Variants in COL24A1 observed in about 807,000 individuals in gnomAD.
COL24A1 encodes collagen alpha-1(XXIV) chain.
COL24A1 carries 224 observed loss-of-function variants against 253.9 expected under a neutral mutation model. That is an observed-to-expected ratio of 0.88 (90% CI 0.79 to 0.99). The LOEUF is 0.99. Among genes scored for constraint, COL24A1 ranks in the 50% least tolerant of loss-of-function variants. The pLI is 0.00. For missense variants in COL24A1, 2,131 were observed against 2,068.5 expected (o/e 1.03, Z -0.59); for synonymous variants, 685 against 673.7 (o/e 1.02, Z -0.26).
At chr1:85,883,382 A>G (rs1451185702) in intron 32 of COL24A1, among the ~76,000 whole-genome samples, 1 of 149,814 alleles carries the variant, frequency 6.7e-6, no homozygotes, top group Non-Finnish European at 1.5e-5. Flanking sequence ...ACCATGTCCA[A>G]CTAATTTTTG....
At chr1:85,737,803 A>AT (rs111300864) in intron 57 of COL24A1, among the ~76,000 whole-genome samples, 4 of 152,106 alleles carry the variant, frequency 2.6e-5, no homozygotes, top group African/African-American at 9.6e-5. Flanking sequence ...ACCTCAAGTG[A>AT]TCTGCCCACC....
intron 19 of COL24A1, among the ~76,000 whole-genome samples, chr1:86,016,233 A>G (rs1359716958): frequency 2.0e-5 from 3 of 152,064 alleles, no homozygotes; most frequent in Non-Finnish European, 2.9e-5. Context: ...AAGAATAGGC[A>G]TTTTCTAAAG....
chr1:86,117,800 T>C (rs1186010106), intron 3 of COL24A1, among the ~76,000 whole-genome samples: 2 of 152,224 alleles, frequency 1.3e-5, no homozygotes, highest in African/African-American at 4.8e-5. Flanking sequence ...TTATTTGTTA[T>C]TAAGAGAAAG....
At chr1:85,807,756 G>A (rs1672132125) in intron 47 of COL24A1, among the ~76,000 whole-genome samples, 1 of 152,168 alleles carries the variant, frequency 6.6e-6, no homozygotes, top group Admixed American at 6.5e-5. Context: ...TGTGGTCAGA[G>A]ATGTATACTA....
chr1:86,013,751 G>T (rs368326358), intron 19 of COL24A1, among the ~76,000 whole-genome samples: 5 of 152,216 alleles, frequency 3.3e-5, no homozygotes, highest in East Asian at 3.9e-4. Flanking sequence ...CAGGAGAATC[G>T]CTTCAACCTG....
chr1:86,128,851 G>A (rs1040956661), intron 2 of COL24A1, among the ~76,000 whole-genome samples: 2 of 151,596 alleles, frequency 1.3e-5, no homozygotes, highest in African/African-American at 4.8e-5. Context: ...TATTCTTTTG[G>A]TATCTCACTG....
At chr1:86,121,823 G>C (rs758355419) in intron 3 of COL24A1, among the ~76,000 whole-genome samples, 1 of 152,052 alleles carries the variant, frequency 6.6e-6, no homozygotes, top group African/African-American at 2.4e-5. Context: ...ATAAGGGGAG[G>C]TCTTTCTATA....
intron 24 of COL24A1, among the ~76,000 whole-genome samples, chr1:85,959,393 A>G (rs867190117): frequency 2.0e-5 from 3 of 152,124 alleles, no homozygotes; most frequent in African/African-American, 7.2e-5. Flanking sequence ...ACTCTCTACA[A>G]CATTTATATG....
rs769750412 is a variant in COL24A1, at chr1:85,908,615, C to T, written c.2707G>A (p.Gly903Ser). Residue 903 changes from glycine (G) to serine (S), a missense_variant, in exon 27 of 60, where the codon GGT becomes AGT. Transcript: ENST00000370571. Reference protein sequence around the residue: ...PGPPGVPGPIGPLGLPGHVGA... With the variant: ...PGPPGVPGPISPLGLPGHVGA... ...GTACTTACAGGTAATCCCAATGGAC[C>T]GATAGGTCCTGGAACCCCAGGAGGA... 21 of 1,483,162 alleles carry T rather than the reference C, an allele frequency of 1.4e-5. No homozygotes were observed. Among genetic ancestry groups the T allele is most frequent in the South Asian group, 2.8e-5 (2 of 71,182 alleles). 91.9% of individuals were successfully genotyped at this position (1,483,162 alleles called of 1,614,324 possible).
At chr1:85,881,551 G>A (rs1366744739) in intron 32 of COL24A1, among the ~76,000 whole-genome samples, 3 of 152,206 alleles carry the variant, frequency 2.0e-5, no homozygotes, top group Admixed American at 2.0e-4. Flanking sequence ...CTTGAACCCA[G>A]GAGGTGGAGG....
Position 85,847,185 on chromosome 1 carries a change from A to G in COL24A1, c.3462+480T>C, listed in dbSNP as rs184243478. Among the ~76,000 whole-genome samples, 153 of 152,338 alleles carry G rather than the reference A, an allele frequency of 1.0e-3. 1 individual carries two copies. Among genetic ancestry groups the G allele is most frequent in the African/African-American group, 3.7e-3 (152 of 41,582 alleles). The stretch of plus-strand genomic sequence containing the variant: ...TAACATCATGCAAAGTTCCTGAGAA[A>G]GATGAAAGATAAAATTAGATGTTAG... On this transcript the variant is annotated intron_variant, in intron 39 of 59. Coordinates refer to ENST00000370571, the MANE Select transcript of COL24A1 (RefSeq NM_152890.7).
At chr1:85,821,753 G>A (rs561056697) in intron 45 of COL24A1, among the ~76,000 whole-genome samples, 3 of 152,240 alleles carry the variant, frequency 2.0e-5, no homozygotes, top group South Asian at 4.1e-4. Context: ...GCTCCAACAC[G>A]CAGGGATTGT....
intron 10 of COL24A1, among the ~76,000 whole-genome samples, chr1:86,055,073 T>C (rs1700571014): frequency 6.6e-6 from 1 of 152,100 alleles, no homozygotes; most frequent in Non-Finnish European, 1.5e-5. Flanking sequence ...TTCTCACTTA[T>C]AAATGGGAGC....
chr1:85,787,234 A>G (rs975685866), intron 47 of COL24A1, among the ~76,000 whole-genome samples: 3 of 151,736 alleles, frequency 2.0e-5, no homozygotes, highest in African/African-American at 4.8e-5. Context: ...TTCCGGGTAC[A>G]TGCGCAGGAT....
At chr1:85,875,225 G>A (rs1314897132) in intron 34 of COL24A1, 52 bp downstream of exon 34, 1 of 1,463,348 alleles carries the variant, frequency 6.8e-7, no homozygotes, top group African/African-American at 1.4e-5. Flanking sequence ...GCAAATGTAG[G>A]GGGTTCAATG....
intron 7 of COL24A1, among the ~76,000 whole-genome samples, chr1:86,086,541 T>G (rs1703077449): frequency 6.6e-6 from 1 of 152,004 alleles, no homozygotes; most frequent in Non-Finnish European, 1.5e-5. Context: ...AGCCAATATA[T>G]CCCACCAAAA....
At chr1:86,005,038 C>T (rs1351699906) in intron 19 of COL24A1, among the ~76,000 whole-genome samples, 1 of 152,296 alleles carries the variant, frequency 6.6e-6, no homozygotes, top group African/African-American at 2.4e-5. Context: ...ACCAGATAAG[C>T]TACCAAGATC....
In COL24A1 at chr1:85,817,021, G is replaced by T. The variant is rs149406683; in HGVS notation, c.3844-126C>A. ...ATTTTGTTCTAGGACAAATTTTCCT[G>T]TTTCCTGGATTCCTTAATGATTTAC... On this transcript the variant is annotated intron_variant, in intron 46 of 59. Transcript: ENST00000370571. The T allele has an allele frequency of 1.8e-3, 1,232 of 675,336 alleles. 4 individuals carry two copies. Among genetic ancestry groups the T allele is most frequent in the Non-Finnish European group, 2.6e-3 (1,051 of 407,040 alleles). 41.8% of individuals were successfully genotyped at this position (675,336 alleles called of 1,614,324 possible). A position where few individuals can be genotyped will look rare whatever the true frequency, so the allele number is the denominator to read the frequency against.
intron 55 of COL24A1, among the ~76,000 whole-genome samples, chr1:85,756,139 G>C (rs1570469532): frequency 6.6e-6 from 1 of 151,178 alleles, no homozygotes; most frequent in Admixed American, 6.6e-5. Flanking sequence ...TAAAGAAGAG[G>C]CTGGGCACAG....
Sources: gnomAD v4.1 joint callset for allele counts (sites outside exome capture counted in the v4.1 genomes callset) on GRCh38, gnomAD v4.1.1 for gene constraint, MANE v1.5 for transcripts, NCBI Gene and HGNC (gene_info 2026-07-23, HGNC 2026-07-21) for gene names.